Variants in MYO1D observed in about 807,000 individuals in gnomAD.
MYO1D encodes the protein myosin ID.
MYO1D carries 83 observed loss-of-function variants against 122.0 expected under a neutral mutation model. That is an observed-to-expected ratio of 0.68 (90% CI 0.57 to 0.82). MYO1D has a LOEUF of 0.82. Among genes scored for constraint, MYO1D ranks in the 40% least tolerant of loss-of-function variants. The pLI is 0.00. For synonymous variants in MYO1D, 464 were observed against 446.9 expected (o/e 1.04, Z -0.48); for missense variants, 1,157 against 1,269.5 (o/e 0.91, Z 1.35).
intron 20 of MYO1D, among the ~76,000 whole-genome samples, chr17:32,624,033 G>A (rs1456090118): frequency 2.0e-5 from 3 of 151,958 alleles, no homozygotes; most frequent in Non-Finnish European, 1.5e-5. Context: ...ACACATATAC[G>A]TAAGTGATAA....
At chr17:32,677,570 TAGATAG>T (rs2088832407) in intron 16 of MYO1D, among the ~76,000 whole-genome samples, 1 of 136,184 alleles carries the variant, frequency 7.3e-6, no homozygotes, top group Non-Finnish European at 1.5e-5. Flanking sequence ...AGGGGATATA[TAGATAG>T]ATAAATATAT....
At position 32,576,092 on chromosome 17, in the gene MYO1D, G is replaced by C. The variant is rs151272528; in HGVS notation, c.2864+28995C>G. The stretch of plus-strand genomic sequence containing the variant: ...AGTAGACTTCAAGAACAAAATCAGA[G>C]TAAAATTAGTTCACTCTTAGGTAGA... On this transcript the variant is annotated intron_variant, in intron 21 of 21. Coordinates refer to ENST00000318217, the MANE Select transcript of MYO1D (RefSeq NM_015194.3). Among the ~76,000 whole-genome samples, 700 of 152,234 alleles carry C rather than the reference G, an allele frequency of 4.6e-3. 3 individuals carry two copies. Among genetic ancestry groups the C allele is most frequent in the African/African-American group, 0.016 (675 of 41,534 alleles).
intron 21 of MYO1D, among the ~76,000 whole-genome samples, chr17:32,580,921 G>A (rs2087333210): frequency 6.6e-6 from 1 of 152,074 alleles, no homozygotes; most frequent in Admixed American, 6.5e-5. Flanking sequence ...TTCTTTTCCT[G>A]TATTATCTTT....
At chr17:32,605,855 C>A (rs1040375068) in intron 20 of MYO1D, among the ~76,000 whole-genome samples, 2 of 151,768 alleles carry the variant, frequency 1.3e-5, no homozygotes, top group Admixed American at 6.6e-5. Context: ...CCAAGGCGGG[C>A]GGATTGCCTG....
intron 20 of MYO1D, among the ~76,000 whole-genome samples, chr17:32,630,697 C>T (rs991004897): frequency 5.9e-5 from 9 of 152,102 alleles, no homozygotes; most frequent in East Asian, 1.9e-4. Context: ...TTCAGCCTCC[C>T]GATTAGCTGG....
chr17:32,770,202 C>G (rs550198461), intron 6 of MYO1D, among the ~76,000 whole-genome samples: 1 of 152,260 alleles, frequency 6.6e-6, no homozygotes, highest in South Asian at 2.1e-4. Context: ...AATAAAAATA[C>G]AGCTAAACCA....
At chr17:32,716,821 C>T (rs181492942) in intron 15 of MYO1D, among the ~76,000 whole-genome samples, 1 of 152,366 alleles carries the variant, frequency 6.6e-6, no homozygotes, top group African/African-American at 2.4e-5. Flanking sequence ...CTGCATGACC[C>T]TGGTTCTCTG....
intron 21 of MYO1D, chr17:32,510,540 A>C (rs143660695): frequency 3.3e-5 from 5 of 152,384 alleles, no homozygotes; most frequent in African/African-American, 9.6e-5. Flanking sequence ...ATTCTCCAGC[A>C]CACATCTTTG....
At chr17:32,501,938 G>A (rs1392924042) in intron 21 of MYO1D, among the ~76,000 whole-genome samples, 2 of 152,122 alleles carry the variant, frequency 1.3e-5, no homozygotes, top group African/African-American at 2.4e-5. Flanking sequence ...GTGGTGTGGG[G>A]GCTGGTCTGA....
chr17:32,741,788 C>A (rs1027919853), intron 13 of MYO1D, among the ~76,000 whole-genome samples: 1 of 151,952 alleles, frequency 6.6e-6, no homozygotes, highest in Non-Finnish European at 1.5e-5. Flanking sequence ...CCAAGGTGGG[C>A]GGATCACGAG....
chr17:32,571,483 CTG>C (rs1403115903), intron 21 of MYO1D, among the ~76,000 whole-genome samples: 1 of 152,122 alleles, frequency 6.6e-6, no homozygotes, highest in African/African-American at 2.4e-5. Flanking sequence ...CCTAGAAAAA[CTG>C]TAAATTCTGG....
chr17:32,687,155 A>G (rs1402903002), intron 16 of MYO1D, among the ~76,000 whole-genome samples: 1 of 150,064 alleles, frequency 6.7e-6, no homozygotes, highest in Non-Finnish European at 1.5e-5. Context: ...CAGCCTCCTG[A>G]GTAGCTAGTA....
intron 16 of MYO1D, among the ~76,000 whole-genome samples, chr17:32,694,156 T>G (rs1001116710): frequency 4.6e-5 from 7 of 152,348 alleles, no homozygotes; most frequent in African/African-American, 1.7e-4. Context: ...TAACGCTTCT[T>G]AGTTTCTTCA....
intron 1 of MYO1D, among the ~76,000 whole-genome samples, chr17:32,808,838 G>C (rs1468866479): frequency 6.6e-6 from 1 of 152,146 alleles, no homozygotes; most frequent in Non-Finnish European, 1.5e-5. Flanking sequence ...CTGGCCTCCA[G>C]AACTGTCAGA....
intron 21 of MYO1D, among the ~76,000 whole-genome samples, chr17:32,561,997 T>TC (rs1258991896): frequency 5.6e-4 from 11 of 19,568 alleles, no homozygotes; most frequent in African/African-American, 4.1e-3. Context: ...CTTCTCTCTC[T>TC]TTTTTTTTTG....
At chr17:32,779,395 A>G (rs2090212770) in intron 2 of MYO1D, among the ~76,000 whole-genome samples, 2 of 151,754 alleles carry the variant, frequency 1.3e-5, no homozygotes, top group South Asian at 2.1e-4. Context: ...AGAATGCACT[A>G]GCTCTATAGA....
At chr17:32,842,757 G>C (rs1454002215) in intron 1 of MYO1D, among the ~76,000 whole-genome samples, 1 of 152,062 alleles carries the variant, frequency 6.6e-6, no homozygotes, top group South Asian at 2.1e-4. Context: ...TCAACATCCA[G>C]GTAAGTATCC....
intron 2 of MYO1D, among the ~76,000 whole-genome samples, chr17:32,779,741 AT>A (rs2151028594): frequency 6.6e-6 from 1 of 152,232 alleles, no homozygotes; most frequent in African/African-American, 2.4e-5. Flanking sequence ...CTAGGATATA[AT>A]TTTCTAACTC....
chr17:32,543,699 C>T (rs1196410943), intron 21 of MYO1D, among the ~76,000 whole-genome samples: 2 of 152,198 alleles, frequency 1.3e-5, no homozygotes, highest in African/African-American at 2.4e-5. Flanking sequence ...GCGAGTGGCA[C>T]CTGTGGAGTG....
Sources: allele counts gnomAD v4.1 joint callset (sites outside exome capture counted in the v4.1 genomes callset), GRCh38; gene constraint gnomAD v4.1.1; transcripts MANE v1.5; gene names NCBI Gene and HGNC (gene_info 2026-07-23, HGNC 2026-07-21).